Variants in B9D1 observed in about 807,000 individuals in gnomAD.
B9D1 encodes B9 domain containing 1.
B9D1 carries 20 observed loss-of-function variants against 26.1 expected under a neutral mutation model. That is an observed-to-expected ratio of 0.77 (90% confidence interval 0.54 to 1.12). B9D1 has a LOEUF of 1.12. B9D1 is among the 50% of genes most tolerant of loss of function. The pLI, the probability that B9D1 is intolerant of heterozygous loss-of-function variation, is 0.00. For synonymous variants in B9D1, 105 were observed against 103.1 expected (o/e 1.02, Z -0.11); for missense variants, 260 against 273.7 (o/e 0.95, Z 0.35).
At chr17:19,342,858 G>A (rs1908129345), downstream of B9D1, among the ~76,000 whole-genome samples, 1 of 152,220 alleles carries the variant, frequency 6.6e-6, no homozygotes, top group Non-Finnish European at 1.5e-5. Context: ...AAGGGAGGCT[G>A]GTGGCCAGAA....
intron 5 of B9D1, among the ~76,000 whole-genome samples, chr17:19,345,924 A>C (rs757305218): frequency 6.6e-6 from 1 of 152,208 alleles, no homozygotes; most frequent in Non-Finnish European, 1.5e-5. Context: ...CACTAATCAG[A>C]ACTTTCTCCA....
chr17:19,362,600 C>G lies in B9D1; in HGVS notation c.-31G>C. 5 of 1,580,206 alleles carry G rather than the reference C, an allele frequency of 3.2e-6. No individual in the cohort carries two copies. The highest frequency in any genetic ancestry group is 4.3e-6 in the Non-Finnish European group (5 of 1,162,804). ...GTCTGGGGGTGCCGGGGGGACCCAC[C>G]TAGGCCGCGCGCGGTTGCTAAGAGA... On this transcript the variant is annotated 5_prime_UTR_variant, in exon 1 of 7. Coordinates refer to ENST00000261499, the MANE Select transcript of B9D1 (RefSeq NM_015681.6).
At chr17:19,377,811 C>G in intron 1 of B9D1, 1 of 984,606 alleles carries the variant, frequency 1.0e-6, no homozygotes, top group Non-Finnish European at 1.2e-6. Flanking sequence ...CCGCTGCAGC[C>G]CAAAGCACGG....
chr17:19,354,630 C>G, intron 3 of B9D1, among the ~76,000 whole-genome samples: 1 of 152,094 alleles, frequency 6.6e-6, no homozygotes, highest in East Asian at 1.9e-4. Context: ...GAGTTCAAGA[C>G]CAGCCTGGCC....
chr17:19,339,541 C>T (rs1285241699), downstream of B9D1, among the ~76,000 whole-genome samples: 1 of 152,160 alleles, frequency 6.6e-6, no homozygotes, highest in Non-Finnish European at 1.5e-5. Flanking sequence ...AGCAGAAACC[C>T]ACTCCTGATT....
chr17:19,348,427 T>C (rs1160118412), intron 3 of B9D1, among the ~76,000 whole-genome samples: 1 of 152,220 alleles, frequency 6.6e-6, no homozygotes, highest in Admixed American at 6.5e-5. Context: ...TGAGGCACTT[T>C]CACCTCGCCA....
chr17:19,352,150 T>C (rs1909688454), intron 3 of B9D1, among the ~76,000 whole-genome samples: 1 of 151,948 alleles, frequency 6.6e-6, no homozygotes. Context: ...CCTCCCAAAG[T>C]GTTGGGATTA....
At chr17:19,342,592 G>A (rs975645113), downstream of B9D1, among the ~76,000 whole-genome samples, 1 of 152,154 alleles carries the variant, frequency 6.6e-6, no homozygotes. Flanking sequence ...TAATGCTGAA[G>A]GGGCTCTGCT....
At chr17:19,349,887 C>T (rs932804367) in intron 3 of B9D1, among the ~76,000 whole-genome samples, 1 of 152,176 alleles carries the variant, frequency 6.6e-6, no homozygotes, top group Non-Finnish European at 1.5e-5. Flanking sequence ...ACATATCCAT[C>T]TGAAATTGAC....
rs1911956964 is a variant in B9D1, at chr17:19,372,860, A to G, written c.-298+4999T>C. On this transcript the variant is annotated intron_variant, in intron 1 of 5. Transcript: ENST00000477478. This position sits in a 1 kb window ranked among gnomAD's most constrained non-coding sequence, Gnocchi z 4.4. Reference sequence around the variant, plus strand: ...TCGGACAATTCACCTGCGCTCCTCAAAGTTTTTAACCACACCCACTCTTGC... The same window carrying G: ...TCGGACAATTCACCTGCGCTCCTCAGAGTTTTTAACCACACCCACTCTTGC... 6.6e-6 allele frequency among the ~76,000 whole-genome samples: 1 copy of G among 152,148 alleles called. No individual in the cohort carries two copies. Among genetic ancestry groups the G allele is most frequent in the Non-Finnish European group, 1.5e-5 (1 of 68,010 alleles).
At chr17:19,364,508 C>G (rs1386919259), upstream of B9D1, 1 of 152,256 alleles carries the variant, frequency 6.6e-6, no homozygotes, top group Non-Finnish European at 1.5e-5. This position sits in a 1 kb window ranked among gnomAD's most constrained non-coding sequence, Gnocchi z 4.3. Context: ...CAGGTCAGGA[C>G]AGTCAGGTTG....
chr17:19,346,264 T>C (rs1307145151), intron 5 of B9D1, among the ~76,000 whole-genome samples: 5 of 152,178 alleles, frequency 3.3e-5, no homozygotes, highest in African/African-American at 4.8e-5. Context: ...CTAGGGGCAG[T>C]AGGCACACAA....
chr17:19,345,674 C>G (rs926540377), intron 5 of B9D1, among the ~76,000 whole-genome samples: 1 of 152,214 alleles, frequency 6.6e-6, no homozygotes, highest in African/African-American at 2.4e-5. Context: ...GCCCAGTGAC[C>G]TGGATTTTGA....
intron 3 of B9D1, among the ~76,000 whole-genome samples, chr17:19,351,479 G>A (rs1403954445): frequency 1.3e-5 from 2 of 152,122 alleles, no homozygotes; most frequent in African/African-American, 4.8e-5. Context: ...GCAGGCTTTA[G>A]AATCAAAACT....
chr17:19,356,375 AGCC>A (rs1910358844), intron 3 of B9D1, among the ~76,000 whole-genome samples: 1 of 152,208 alleles, frequency 6.6e-6, no homozygotes, highest in Non-Finnish European at 1.5e-5. Flanking sequence ...TACAGGCATG[AGCC>A]ACCATGCCCA....
At chr17:19,375,691 G>A (rs1165929545) in intron 1 of B9D1, among the ~76,000 whole-genome samples, 6 of 152,310 alleles carry the variant, frequency 3.9e-5, no homozygotes, top group East Asian at 1.9e-4. Flanking sequence ...GCAGTGAGCC[G>A]AGATCGTGCC....
rs1598057034 is a variant in B9D1, at chr17:19,347,482, C to A, written c.342-151G>T. On this transcript the variant is annotated intron_variant, in intron 4 of 6. Transcript: ENST00000261499. The surrounding 1 kb of genome is among the most constrained non-coding windows in gnomAD (Gnocchi z 4.3). Reference sequence around the variant, plus strand: ...GAATCCAACCTGTGCTAACTGAGCACCCCCTGTGTCTGGGCAAGGTGCTGA... The same window carrying A: ...GAATCCAACCTGTGCTAACTGAGCAACCCCTGTGTCTGGGCAAGGTGCTGA... 1.0e-6 allele frequency: 1 copy of A among 976,670 alleles called. No individual in the cohort carries two copies. Among genetic ancestry groups the A allele is most frequent in the Admixed American group, 2.0e-5 (1 of 50,228 alleles). The allele number at this position is 976,670 out of a possible 1,614,324, so 60.5% of individuals were successfully genotyped here.
upstream of B9D1, among the ~76,000 whole-genome samples, chr17:19,366,862 G>T (rs909060598): frequency 6.6e-6 from 1 of 152,128 alleles, no homozygotes; most frequent in Admixed American, 6.6e-5. Flanking sequence ...CCTCAGGCTT[G>T]AAGTACTGTA....
intron 1 of B9D1, among the ~76,000 whole-genome samples, chr17:19,374,656 G>A (rs1912028709): frequency 6.6e-6 from 1 of 152,142 alleles, no homozygotes; most frequent in African/African-American, 2.4e-5. Context: ...TATCTAGGGG[G>A]TCTTGGTTAA....
Sources: gnomAD v4.1 joint callset for allele counts (sites outside exome capture counted in the v4.1 genomes callset) on GRCh38, gnomAD v4.1.1 for gene constraint, Gnocchi (gnomAD v3.1) non-coding constraint, MANE v1.5 for transcripts, NCBI Gene and HGNC (gene_info 2026-07-23, HGNC 2026-07-21) for gene names.